Variants in WNK1 observed in about 807,000 individuals in gnomAD.
WNK1 encodes serine/threonine-protein kinase WNK1.
A neutral mutation model predicts 222.8 loss-of-function variants in WNK1; 38 were observed. The observed-to-expected ratio is 0.17, with a 90% confidence interval of 0.13 to 0.22. The LOEUF is 0.22. Ranked by LOEUF, WNK1 falls within the 10% of genes least tolerant of loss-of-function variation. The pLI is 1.00. For synonymous variants in WNK1, 1,090 were observed against 1,092.9 expected (o/e 1.00, Z 0.05); for missense variants, 2,348 against 2,918.4 (o/e 0.80, Z 4.50).
Position 889,133 on chromosome 12 carries a change from C to G in WNK1, c.5365-7C>G, listed in dbSNP as rs1953958747. 6.2e-7 allele frequency: 1 copy of G among 1,613,404 alleles called. No individual in the cohort carries two copies. On this transcript the variant is annotated splice_polypyrimidine_tract_variant and splice_region_variant and intron_variant, in intron 20 of 27. Coordinates refer to ENST00000315939, the MANE Select transcript of WNK1 (RefSeq NM_018979.4). ...GAACTGTATTTACTGTGATTGTTTT[C>G]ATTCAGTCCCAGCAACCTCTAGAGG...
At chr12:796,587 T>C (rs1377736829) in intron 1 of WNK1, among the ~76,000 whole-genome samples, 1 of 152,218 alleles carries the variant, frequency 6.6e-6, no homozygotes, top group Non-Finnish European at 1.5e-5. Context: ...AAATCTCAAA[T>C]TGAAGTTGAA....
intron 4 of WNK1, among the ~76,000 whole-genome samples, chr12:847,846 C>T (rs1482119830): frequency 1.8e-5 from 2 of 112,042 alleles, no homozygotes; most frequent in African/African-American, 7.0e-5. Context: ...CTCACTCTGT[C>T]GTTAGGCTGG....
rs1339329565 is a variant in WNK1 at position 883,541 on chromosome 12, G to A, written c.3636G>A (p.Lys1212=). ...GDQGLESLQG[K]DDYGFSGSQK... is the part of the protein sequence containing the mutation. Reference sequence around the variant, plus strand: ...AGGGATTGGAGAGTCTACAAGGAAAGGATGACTATGGCTTTTCAGGTTCTC... The same window carrying A: ...AGGGATTGGAGAGTCTACAAGGAAAAGATGACTATGGCTTTTCAGGTTCTC... Residue 1212 remains lysine (K), a synonymous_variant, in exon 16 of 28, where the codon AAG becomes AAA. Transcript: ENST00000315939. 3.1e-6 allele frequency: 5 copies of A among 1,613,958 alleles called. No individual in the cohort carries two copies. Among genetic ancestry groups the A allele is most frequent in the African/African-American group, 1.3e-5 (1 of 74,908 alleles).
Position 754,063 on chromosome 12 carries a change from G to C in WNK1, c.498G>C (p.Val166=). ...GCAGTACCAGCAAAGACCGCCCAGTGTCCCAGCCTAGCCTTGTGGGGAGCA... is the reference window on the plus strand; with the variant it reads ...GCAGTACCAGCAAAGACCGCCCAGTCTCCCAGCCTAGCCTTGTGGGGAGCA... ...VPSSTSKDRP[V]SQPSLVGSKE... Residue 166 remains valine (V), a synonymous_variant, in exon 1 of 28, where the codon GTG becomes GTC. Transcript: ENST00000315939. 6.2e-7 allele frequency: 1 copy of C among 1,604,076 alleles called. No individual in the cohort carries two copies. Among genetic ancestry groups the C allele is most frequent in the South Asian group, 1.1e-5 (1 of 90,396 alleles).
At chr12:860,600 T>C (rs147300140) in intron 6 of WNK1, among the ~76,000 whole-genome samples, 1 of 152,348 alleles carries the variant, frequency 6.6e-6, no homozygotes, top group East Asian at 1.9e-4. Context: ...ACAGTTGTTT[T>C]AGCAGATTAA....
At chr12:886,677 T>C (rs906231106) in intron 19 of WNK1, among the ~76,000 whole-genome samples, 1 of 152,250 alleles carries the variant, frequency 6.6e-6, no homozygotes, top group African/African-American at 2.4e-5. Flanking sequence ...TCTACTGTAT[T>C]GTATGCTTCA....
At chr12:794,710 T>G (rs1945149502) in intron 1 of WNK1, among the ~76,000 whole-genome samples, 1 of 152,076 alleles carries the variant, frequency 6.6e-6, no homozygotes, top group South Asian at 2.1e-4. Flanking sequence ...TTGGTGAGGA[T>G]TTTTGTGTTT....
chr12:815,033 T>C (rs1461319627), intron 2 of WNK1, among the ~76,000 whole-genome samples: 1 of 152,102 alleles, frequency 6.6e-6, no homozygotes, highest in Non-Finnish European at 1.5e-5. Flanking sequence ...AATCTAATGC[T>C]GCTGACAGGA....
At chr12:872,421 G>A (rs1415027310) in intron 9 of WNK1, among the ~76,000 whole-genome samples, 1 of 152,192 alleles carries the variant, frequency 6.6e-6, no homozygotes, top group East Asian at 1.9e-4. Context: ...AGTGCTGGGA[G>A]CCACTGTGCC....
intron 2 of WNK1, among the ~76,000 whole-genome samples, chr12:823,698 A>G (rs1229138224): frequency 6.6e-6 from 1 of 152,150 alleles, no homozygotes; most frequent in African/African-American, 2.4e-5. Context: ...TTTAGTCTGC[A>G]AAGTTTTGGC....
rs1950844356 is a variant in WNK1, at chr12:857,029, A to G, written c.1312-132A>G. The G allele has an allele frequency of 1.3e-5, 11 of 861,566 alleles. No homozygotes were observed. The South Asian group carries it at 1.6e-4, about 12-fold the overall frequency. The allele number at this position is 861,566 out of a possible 1,614,324, so 53.4% of individuals were successfully genotyped here. A position where few individuals can be genotyped will look rare whatever the true frequency, so the allele number is the denominator to read the frequency against. On this transcript the variant is annotated intron_variant, in intron 4 of 27. Transcript: ENST00000315939. ...ACCCAACTGTGACACTGCATGGACCAACTCCTGCAGGCGAGTCAGAAAAAA... is the reference window on the plus strand; with the variant it reads ...ACCCAACTGTGACACTGCATGGACCGACTCCTGCAGGCGAGTCAGAAAAAA...
At chr12:768,045 C>T (rs2153942233) in intron 1 of WNK1, among the ~76,000 whole-genome samples, 1 of 152,288 alleles carries the variant, frequency 6.6e-6, no homozygotes, top group South Asian at 2.1e-4. Context: ...ATTTGTTCTG[C>T]CTACCCAGGC....
At chr12:894,046 C>A (rs897795322) in intron 22 of WNK1, among the ~76,000 whole-genome samples, 2 of 151,430 alleles carry the variant, frequency 1.3e-5, no homozygotes, top group Non-Finnish European at 2.9e-5. Context: ...GGTGAAACTC[C>A]GTCTCTACTA....
intron 1 of WNK1, among the ~76,000 whole-genome samples, chr12:813,262 G>A (rs1340174786): frequency 6.6e-6 from 1 of 152,116 alleles, no homozygotes; most frequent in Non-Finnish European, 1.5e-5. Context: ...TAAAAACAAT[G>A]TTTTGGTTAA....
intron 4 of WNK1, among the ~76,000 whole-genome samples, chr12:842,074 G>A (rs1232602399): frequency 5.3e-5 from 8 of 152,194 alleles, no homozygotes; most frequent in Non-Finnish European, 1.2e-4. Context: ...ACAGCACACC[G>A]TAGGCACTCA....
At chr12:883,168 C>T in intron 15 of WNK1, 109 bp downstream of exon 15, 1 of 1,011,664 alleles carries the variant, frequency 9.9e-7, no homozygotes, top group Non-Finnish European at 1.6e-6. Flanking sequence ...TAAAGTTATG[C>T]ATTTACTTCA....
intron 9 of WNK1, among the ~76,000 whole-genome samples, chr12:875,932 G>A (rs1446787485): frequency 6.6e-6 from 1 of 152,074 alleles, no homozygotes; most frequent in African/African-American, 2.4e-5. Flanking sequence ...ATTTGTTCAA[G>A]TTGGCAAATA....
chr12:866,522 C>A (rs899022647), intron 8 of WNK1, among the ~76,000 whole-genome samples: 1 of 152,104 alleles, frequency 6.6e-6, no homozygotes. Context: ...GCCACCACAC[C>A]CAGCTAATTT....
Position 882,960 on chromosome 12 carries a change from C to T in WNK1, c.3390C>T (p.Asp1130=), listed in dbSNP as rs139904730. The change falls in exon 15 of 28, where the codon GAC becomes GAT. Residue 1130 remains aspartate (D), a synonymous_variant. Transcript: ENST00000315939. ...LRILNVSNKG[D]RVVECQLETH... is the part of the protein sequence containing the mutation. ...CTTTTTAGGTTTCAAATAAAGGAGA[C>T]CGAGTAGTAGAATGTCAATTAGAGA... The T allele has an allele frequency of 2.0e-5, 33 of 1,611,138 alleles. No individual in the cohort carries two copies. Among genetic ancestry groups the T allele is most frequent in the Admixed American group, 5.0e-5 (3 of 59,992 alleles).
Sources: gnomAD v4.1 joint callset for allele counts (sites outside exome capture counted in the v4.1 genomes callset) on GRCh38, gnomAD v4.1.1 for gene constraint, MANE v1.5 for transcripts, NCBI Gene and HGNC (gene_info 2026-07-23, HGNC 2026-07-21) for gene names.